MAPK6: variants seen among roughly 807,000 people sequenced by gnomAD.
MAPK6 encodes ERK-3.
MAPK6 carries 19 observed loss-of-function variants against 59.3 expected under a neutral mutation model. That is an observed-to-expected ratio of 0.32 (90% CI 0.22 to 0.47). The LOEUF (loss-of-function observed/expected upper bound fraction) is 0.47, where lower values mean the gene tolerates loss of function less well. Among genes scored for constraint, MAPK6 ranks in the 20% least tolerant of loss-of-function variants. MAPK6 has a pLI of 1.00. For synonymous variants in MAPK6, 316 were observed against 290.3 expected (o/e 1.09, Z -0.90); for missense variants, 724 against 847.9 (o/e 0.85, Z 1.81).
intron 2 of MAPK6, among the ~76,000 whole-genome samples, chr15:51,989,608 T>A (rs1369755766): frequency 1.3e-5 from 2 of 152,122 alleles, no homozygotes; most frequent in Admixed American, 6.6e-5. Flanking sequence ...TATTATTTTT[T>A]ATTTTTTTAG....
intron 3 of MAPK6, among the ~76,000 whole-genome samples, chr15:52,051,584 A>C (rs1420934518): frequency 6.6e-6 from 1 of 152,074 alleles, no homozygotes; most frequent in Non-Finnish European, 1.5e-5. Flanking sequence ...TATTTATCTA[A>C]AATTTCTGTC....
chr15:52,008,531 CA>C (rs1355201228), intron 3 of MAPK6, among the ~76,000 whole-genome samples: 1 of 152,176 alleles, frequency 6.6e-6, no homozygotes, highest in East Asian at 1.9e-4. Context: ...TATACATGAA[CA>C]GGGTGGCAGG....
chr15:52,014,300 C>T (rs2141835384), upstream of MAPK6, among the ~76,000 whole-genome samples: 1 of 152,308 alleles, frequency 6.6e-6, no homozygotes, highest in Admixed American at 6.5e-5. Flanking sequence ...AATAGCATAG[C>T]TCACAACAAT....
intron 1 of MAPK6, among the ~76,000 whole-genome samples, chr15:51,977,344 T>C (rs551932558): frequency 5.9e-5 from 9 of 151,696 alleles, no homozygotes; most frequent in African/African-American, 2.2e-4. Flanking sequence ...TATCATTAAA[T>C]AAAGGAAAGA....
rs1218007239 is a variant in MAPK6, at chr15:52,034,087, G to A, written c.-631-11743G>A. On this transcript the variant is annotated intron_variant, in intron 1 of 5. Coordinates refer to ENST00000261845, the MANE Select transcript of MAPK6 (RefSeq NM_002748.4). ...TGCAACCTCTGCCTCCCGGGTTCAA[G>A]CGATTCTCCCGCCTCAGCCTCCTGA... The A allele has an allele frequency of 2.0e-5, 3 of 152,084 alleles. No homozygotes were observed. In the East Asian group the frequency reaches 5.8e-4, roughly 29 times the overall value. 9.4% of individuals were successfully genotyped at this position (152,084 alleles called of 1,614,324 possible).
chr15:51,980,624 T>C (rs575228308), intron 1 of MAPK6, among the ~76,000 whole-genome samples: 1 of 150,950 alleles, frequency 6.6e-6, no homozygotes, highest in Non-Finnish European at 1.5e-5. Context: ...AGAGTCTTGC[T>C]CTGTTGCCCA....
intron 3 of MAPK6, among the ~76,000 whole-genome samples, chr15:52,052,571 C>G (rs2031817376): frequency 7.5e-6 from 1 of 134,122 alleles, no homozygotes; most frequent in Non-Finnish European, 1.7e-5. Flanking sequence ...CTCATTTCCT[C>G]TTTCCCCCAG....
Position 52,031,707 on chromosome 15 carries a change from C to T in MAPK6, c.-632+12331C>T, listed in dbSNP as rs572096500. Among the ~76,000 whole-genome samples, 10 of 152,152 alleles carry T rather than the reference C, an allele frequency of 6.6e-5. No individual in the cohort carries two copies. The East Asian group carries it at 7.7e-4, about 12-fold the overall frequency. On this transcript the variant is annotated intron_variant, in intron 1 of 5. Transcript: ENST00000261845. ...ATTGAGCCGGGTGTGGCACCTTGCA[C>T]GGTGGTCATAGCTACTCAGAAGGCT...
chr15:52,034,340 G>A (rs2031161490), intron 1 of MAPK6, among the ~76,000 whole-genome samples: 1 of 147,946 alleles, frequency 6.8e-6, no homozygotes, highest in South Asian at 2.1e-4. Context: ...TTTTGAGACA[G>A]TCTCGCTCTG....
At chr15:51,979,503 T>G (rs2554338) in intron 1 of MAPK6, among the ~76,000 whole-genome samples, 9,066 of 151,830 alleles carry the variant, frequency 0.06, 685 homozygotes, top group African/African-American at 0.16. Flanking sequence ...CATTAAAATT[T>G]AAATATAGGC....
rs2032438336 is a variant in MAPK6, at chr15:52,066,877, C to G, written c.*1877C>G. 6.6e-6 allele frequency: 1 copy of G among 151,798 alleles called. No homozygotes were observed. The highest frequency in any genetic ancestry group is 1.5e-5 in the Non-Finnish European group (1 of 67,994). 9.4% of individuals were successfully genotyped at this position (151,798 alleles called of 1,614,324 possible). On this transcript the variant is annotated 3_prime_UTR_variant, in exon 6 of 6. Coordinates refer to ENST00000261845, the MANE Select transcript of MAPK6 (RefSeq NM_002748.4). Reference sequence around the variant, plus strand: ...ACTCAAATTACCTTAAGAGGACAAGCTCTGAAGTGCAGTCATGAGAATTGA... The same window carrying G: ...ACTCAAATTACCTTAAGAGGACAAGGTCTGAAGTGCAGTCATGAGAATTGA...
At chr15:52,023,115 A>AAC (rs2030604500) in intron 1 of MAPK6, among the ~76,000 whole-genome samples, 1 of 151,082 alleles carries the variant, frequency 6.6e-6, no homozygotes, top group Non-Finnish European at 1.5e-5. Context: ...TCAAAAAAAA[A>AAC]AAAAAAAAAA....
At chr15:51,975,817 T>C (rs938909935) in intron 1 of MAPK6, among the ~76,000 whole-genome samples, 2 of 151,956 alleles carry the variant, frequency 1.3e-5, no homozygotes, top group South Asian at 2.1e-4. Context: ...TTTCTCTCTA[T>C]AGCAGTAAGT....
intron 1 of MAPK6, among the ~76,000 whole-genome samples, chr15:51,972,174 A>C (rs1271887852): frequency 1.3e-5 from 2 of 152,066 alleles, no homozygotes; most frequent in Non-Finnish European, 2.9e-5. Context: ...AGTCTCGCTC[A>C]GTCGCCCAGG....
chr15:51,993,782 CTTTCT>C (rs1384038681), intron 2 of MAPK6, among the ~76,000 whole-genome samples: 1 of 150,660 alleles, frequency 6.6e-6, no homozygotes, highest in Non-Finnish European at 1.5e-5. Context: ...TTTCTCTTTT[CTTTCT>C]TTTCTTTTTT....
chr15:51,994,611 A>G (rs2057219553), intron 2 of MAPK6, among the ~76,000 whole-genome samples: 1 of 152,236 alleles, frequency 6.6e-6, no homozygotes. Context: ...GCTTCAAGGT[A>G]TTCCTCACAA....
At chr15:52,037,087 G>A (rs908090666) in intron 1 of MAPK6, among the ~76,000 whole-genome samples, 10 of 151,978 alleles carry the variant, frequency 6.6e-5, no homozygotes, top group South Asian at 4.2e-4. Context: ...ACTTGAGGCC[G>A]GGAGTTCAAG....
chr15:52,064,403 G>A lies in MAPK6; in HGVS notation c.1569G>A (p.Gln523=), dbSNP rs901138217. 1.2e-6 allele frequency: 2 copies of A among 1,611,932 alleles called. No homozygotes were observed. The highest frequency in any genetic ancestry group is 1.7e-5 in the Admixed American group (1 of 59,998). The change falls in exon 6 of 6, where the codon CAG becomes CAA. Residue 523 remains glutamine (Q), a synonymous_variant. Transcript: ENST00000261845. ...QLAGKEREKN[Q]GFDFDSFIAG... is the part of the protein sequence containing the mutation. ...CTGGAAAAGAAAGGGAAAAGAATCAGGGATTTGATTTTGATTCCTTTATTG... is the reference window on the plus strand; with the variant it reads ...CTGGAAAAGAAAGGGAAAAGAATCAAGGATTTGATTTTGATTCCTTTATTG...
At chr15:52,015,362 GT>G (rs1276088021), upstream of MAPK6, among the ~76,000 whole-genome samples, 1 of 152,082 alleles carries the variant, frequency 6.6e-6, no homozygotes, top group Non-Finnish European at 1.5e-5. Context: ...GGTCAGGCTG[GT>G]CCTGAACTAC....
Sources: allele counts gnomAD v4.1 joint callset (sites outside exome capture counted in the v4.1 genomes callset), GRCh38; gene constraint gnomAD v4.1.1; transcripts MANE v1.5; gene names NCBI Gene and HGNC (gene_info 2026-07-23, HGNC 2026-07-21).